Variants in BST1 observed in about 807,000 individuals in gnomAD.
BST1 encodes ADP-ribosyl cyclase/cyclic ADP-ribose hydrolase 2.
A neutral mutation model predicts 40.6 loss-of-function variants in BST1; 49 were observed. The ratio of observed to expected loss-of-function variants is 1.21; its 90% CI spans 0.96 to 1.53. The LOEUF (loss-of-function observed/expected upper bound fraction) is 1.53, where lower values mean the gene tolerates loss of function less well. Ranked by LOEUF, BST1 falls within the 40% of genes most tolerant of loss-of-function variation. The pLI is 0.00. For missense variants in BST1, 423 were observed against 395.9 expected (o/e 1.07, Z -0.58); for synonymous variants, 157 against 159.3 (o/e 0.99, Z 0.11).
the BST1 span, among the ~76,000 whole-genome samples, chr4:15,759,764 A>C: frequency 2.0e-5 from 3 of 151,884 alleles, no homozygotes; most frequent in African/African-American, 7.3e-5. Flanking sequence ...CCATAAGTTA[A>C]TAAAGGCTCA....
chr4:15,737,908 A>G (rs1289312447), exon 7 of BST1: 1 of 874,538 alleles, frequency 1.1e-6, no homozygotes, highest in African/African-American at 1.8e-5. Flanking sequence ...AGTTGAGTCA[A>G]TTGCATGCCT....
At chr4:15,756,817 T>G in the BST1 span, among the ~76,000 whole-genome samples, 1 of 152,176 alleles carries the variant, frequency 6.6e-6, no homozygotes, top group Non-Finnish European at 1.5e-5. Flanking sequence ...GCTCATTTGT[T>G]GGGGCTCAGG....
At chr4:15,737,591 A>C (rs1721615627), downstream of BST1, among the ~76,000 whole-genome samples, 1 of 152,150 alleles carries the variant, frequency 6.6e-6, no homozygotes, top group South Asian at 2.1e-4. Flanking sequence ...CTCTTCTACC[A>C]AGTGAATGAA....
chr4:15,708,482 A>C (rs1017542163), intron 3 of BST1, among the ~76,000 whole-genome samples: 6 of 152,158 alleles, frequency 3.9e-5, no homozygotes, highest in Non-Finnish European at 8.8e-5. Context: ...CCAGATCATC[A>C]GGGAAGCTTC....
chr4:15,715,463 G>C, intron 5 of BST1, 102 bp downstream of exon 5: 1 of 1,235,692 alleles, frequency 8.1e-7, no homozygotes, highest in South Asian at 1.3e-5. Context: ...CCCATCTCAT[G>C]CGTGCTTCTG....
chr4:15,742,120 G>C (rs1459919875), downstream of BST1, among the ~76,000 whole-genome samples: 1 of 152,222 alleles, frequency 6.6e-6, no homozygotes, highest in African/African-American at 2.4e-5. Flanking sequence ...TGCTCATCAA[G>C]GAATCCTCTT....
At chr4:15,741,158 C>T (rs184000574), downstream of BST1, among the ~76,000 whole-genome samples, 9 of 152,166 alleles carry the variant, frequency 5.9e-5, no homozygotes, top group East Asian at 1.8e-3. Context: ...AACGGGGCTG[C>T]TACAGACAAG....
At chr4:15,749,152 C>G in the BST1 span, among the ~76,000 whole-genome samples, 2 of 152,128 alleles carry the variant, frequency 1.3e-5, no homozygotes, top group Non-Finnish European at 2.9e-5. Context: ...TGAGGGCACT[C>G]CCAGGAAGGA....
In BST1 at chr4:15,707,588, T is replaced by C. The variant is rs772217066; in HGVS notation, c.393T>C (p.Asp131=). Residue 131 remains aspartate, a synonymous_variant, in exon 3 of 9, where the codon GAT becomes GAC. Transcript: ENST00000265016. ...CCCGTCGTTTTATGCCCCTGAGCGA[T>C]GTTCTGTATGGCAGGGTTGCAGATT... ...DNTRRFMPLS[D]VLYGRVADFL... is the part of the protein sequence containing the mutation. 10 of 1,614,138 alleles carry C rather than the reference T, an allele frequency of 6.2e-6. No homozygotes were observed. Among genetic ancestry groups the C allele is most frequent in the South Asian group, 1.1e-5 (1 of 91,086 alleles).
intron 2 of BST1, 62 bp from the exon 3 acceptor site, chr4:15,707,449 G>A: frequency 6.2e-7 from 1 of 1,608,334 alleles, no homozygotes; most frequent in Non-Finnish European, 8.5e-7. Context: ...TGATGATATT[G>A]TGCCTGAGGA....
intron 7 of BST1, among the ~76,000 whole-genome samples, chr4:15,719,410 G>A (rs551517632): frequency 6.6e-6 from 1 of 152,076 alleles, no homozygotes; most frequent in Non-Finnish European, 1.5e-5. Context: ...CAGACCAATA[G>A]GAAAATAATA....
chr4:15,717,592 C>G (rs1311984084), intron 6 of BST1, among the ~76,000 whole-genome samples: 1 of 152,148 alleles, frequency 6.6e-6, no homozygotes, highest in Non-Finnish European at 1.5e-5. Context: ...AAAATGGATT[C>G]AAATCTTTGA....
intron 8 of BST1, among the ~76,000 whole-genome samples, chr4:15,729,400 C>T (rs1472075217): frequency 1.3e-5 from 2 of 152,202 alleles, no homozygotes; most frequent in African/African-American, 4.8e-5. Flanking sequence ...AATGCTTCAA[C>T]GAGCTGTAGT....
the BST1 span, among the ~76,000 whole-genome samples, chr4:15,747,715 G>C: frequency 2.4e-4 from 36 of 152,138 alleles, no homozygotes; most frequent in African/African-American, 5.5e-4. Flanking sequence ...CTTCTCCCAG[G>C]CTGGAGCACA....
intron 4 of BST1, among the ~76,000 whole-genome samples, chr4:15,714,465 G>T (rs1263614404): frequency 6.6e-6 from 1 of 152,132 alleles, no homozygotes; most frequent in Non-Finnish European, 1.5e-5. Context: ...AATGACTGTT[G>T]AATTTTGCTT....
chr4:15,707,859 A>C (rs113214601), intron 3 of BST1, among the ~76,000 whole-genome samples: 12,140 of 120,740 alleles, frequency 0.1, 717 homozygotes, highest in African/African-American at 0.18. Context: ...CTCTCTCTAT[A>C]TATATATATA....
At chr4:15,726,251 T>A (rs1721108539) in intron 8 of BST1, among the ~76,000 whole-genome samples, 1 of 151,050 alleles carries the variant, frequency 6.6e-6, no homozygotes, top group African/African-American at 2.4e-5. Flanking sequence ...GTCAGGGACT[T>A]TGACCTGTTT....
intron 8 of BST1, chr4:15,723,442 G>A (rs12642189): frequency 4.2e-6 from 2 of 475,968 alleles, no homozygotes; most frequent in African/African-American, 2.1e-5. Context: ...TAGAGACGGG[G>A]TTTCACCGTG....
chr4:15,722,874 G>C lies in BST1; in HGVS notation c.792-1G>C. On this transcript the variant is annotated splice_acceptor_variant, in intron 7 of 8. Coordinates refer to ENST00000265016, the MANE Select transcript of BST1 (RefSeq NM_004334.3). LOFTEE classifies it high-confidence loss of function. Reference sequence around the variant, plus strand: ...CCTTAAATATTATTTTCTTTCTGTAGACCAGTGAAGCTCTTACAGTGCGTG... The same window carrying C: ...CCTTAAATATTATTTTCTTTCTGTACACCAGTGAAGCTCTTACAGTGCGTG... 6.2e-7 allele frequency: 1 copy of C among 1,612,070 alleles called. No homozygotes were observed. The highest frequency in any genetic ancestry group is 8.5e-7 in the Non-Finnish European group (1 of 1,178,582).
Sources: allele counts gnomAD v4.1 joint callset (sites outside exome capture counted in the v4.1 genomes callset), GRCh38; gene constraint gnomAD v4.1.1; transcripts MANE v1.5; gene names NCBI Gene and HGNC (gene_info 2026-07-23, HGNC 2026-07-21).